PTGER3: variants seen among roughly 807,000 people sequenced by gnomAD.
PTGER3 encodes prostaglandin E2 receptor EP3 subtype.
In PTGER3, 22 loss-of-function variants were observed where a neutral mutation model predicts 34.7. The ratio of observed to expected loss-of-function variants is 0.63; its 90% CI spans 0.45 to 0.91. PTGER3 has a LOEUF of 0.91. Ranked by LOEUF, PTGER3 falls within the 40% of genes least tolerant of loss-of-function variation. The pLI, the probability that PTGER3 is intolerant of heterozygous loss-of-function variation, is 0.00. For missense variants in PTGER3, 468 were observed against 519.4 expected (o/e 0.90, Z 0.96); for synonymous variants, 241 against 230.1 (o/e 1.05, Z -0.43).
At chr1:71,025,365 A>G (rs1205280167) in intron 1 of PTGER3, among the ~76,000 whole-genome samples, 1 of 152,036 alleles carries the variant, frequency 6.6e-6, no homozygotes, top group African/African-American at 2.4e-5. Context: ...AGAACCAAGT[A>G]TTTAAAATAA....
intron 4 of PTGER3, among the ~76,000 whole-genome samples, chr1:70,890,546 G>A (rs1391565626): frequency 6.6e-6 from 1 of 152,118 alleles, no homozygotes; most frequent in Non-Finnish European, 1.5e-5. Flanking sequence ...TCTTGTGTAT[G>A]TTATCTTGGT....
At chr1:70,862,979 G>A (rs1024025051) in intron 4 of PTGER3, among the ~76,000 whole-genome samples, 1 of 152,140 alleles carries the variant, frequency 6.6e-6, no homozygotes, top group Non-Finnish European at 1.5e-5. Flanking sequence ...AGGCAGGAAA[G>A]TTGGAGAGAG....
intron 4 of PTGER3, among the ~76,000 whole-genome samples, chr1:70,946,136 G>A (rs942205545): frequency 1.3e-5 from 2 of 152,004 alleles, no homozygotes; most frequent in Non-Finnish European, 2.9e-5. Flanking sequence ...AGTCCCTGAG[G>A]TCCCTCACTT....
chr1:70,883,210 T>C (rs1163163966), intron 4 of PTGER3, among the ~76,000 whole-genome samples: 1 of 152,154 alleles, frequency 6.6e-6, no homozygotes. Flanking sequence ...TGAGGGCAGT[T>C]TTTATGCCTA....
At chr1:70,921,408 G>T (rs539791169) in intron 4 of PTGER3, among the ~76,000 whole-genome samples, 2 of 152,120 alleles carry the variant, frequency 1.3e-5, no homozygotes, top group African/African-American at 2.4e-5. Context: ...CAAACCTGTC[G>T]AATGAATGGT....
intron 1 of PTGER3, among the ~76,000 whole-genome samples, chr1:71,038,244 A>C (rs961900098): frequency 6.6e-6 from 1 of 152,230 alleles, no homozygotes; most frequent in Non-Finnish European, 1.5e-5. Flanking sequence ...TATACAAATC[A>C]AATTTACTCT....
chr1:70,908,676 G>A (rs573931565), intron 4 of PTGER3, among the ~76,000 whole-genome samples: 3 of 151,990 alleles, frequency 2.0e-5, no homozygotes, highest in Non-Finnish European at 4.4e-5. Context: ...TTAAGCCAGG[G>A]GTCTATAAGA....
intron 1 of PTGER3, among the ~76,000 whole-genome samples, chr1:71,027,894 A>G (rs1470585493): frequency 2.0e-5 from 3 of 152,226 alleles, no homozygotes; most frequent in Non-Finnish European, 4.4e-5. Context: ...CATTTAAAGT[A>G]TCTCAATTTG....
chr1:70,911,625 TGAC>T (rs1286393103), intron 4 of PTGER3, among the ~76,000 whole-genome samples: 1 of 152,114 alleles, frequency 6.6e-6, no homozygotes, highest in Non-Finnish European at 1.5e-5. Context: ...TGGCAGAAAG[TGAC>T]GACATTTTTT....
At chr1:70,961,417 C>T (rs532946239) in intron 2 of PTGER3, among the ~76,000 whole-genome samples, 10 of 152,274 alleles carry the variant, frequency 6.6e-5, no homozygotes, top group African/African-American at 2.4e-4. Flanking sequence ...ATTTCCTGAT[C>T]CCATTGGCTG....
intron 4 of PTGER3, among the ~76,000 whole-genome samples, chr1:70,926,133 C>T (rs1648059950): frequency 6.6e-6 from 1 of 152,010 alleles, no homozygotes; most frequent in Non-Finnish European, 1.5e-5. Flanking sequence ...AGCTTCTGAC[C>T]CAACATAGTG....
chr1:70,873,060 T>A (rs891760619), intron 4 of PTGER3, among the ~76,000 whole-genome samples: 1 of 152,144 alleles, frequency 6.6e-6, no homozygotes, highest in African/African-American at 2.4e-5. Flanking sequence ...ATCCTCAGGA[T>A]AATAGTAGCA....
At chr1:70,857,604 C>G (rs970921404) in intron 4 of PTGER3, among the ~76,000 whole-genome samples, 9 of 152,100 alleles carry the variant, frequency 5.9e-5, no homozygotes, top group African/African-American at 1.9e-4. Flanking sequence ...GGCATGATCT[C>G]GGCTCCCTGC....
At chr1:71,008,163 A>G in intron 2 of PTGER3, 19 of 959,414 alleles carry the variant, frequency 2.0e-5, no homozygotes, top group Non-Finnish European at 2.2e-5. Flanking sequence ...CAAGGGGACT[A>G]GGAGAAAACA....
intron 2 of PTGER3, among the ~76,000 whole-genome samples, chr1:70,985,997 G>A (rs1179280730): frequency 6.6e-6 from 1 of 152,060 alleles, no homozygotes; most frequent in Non-Finnish European, 1.5e-5. Flanking sequence ...CAGGACACAG[G>A]TCATAAAGAT....
intron 4 of PTGER3, among the ~76,000 whole-genome samples, chr1:70,941,485 G>A (rs1210588440): frequency 1.3e-5 from 2 of 152,038 alleles, no homozygotes; most frequent in African/African-American, 4.8e-5. Context: ...ACCATGAAAT[G>A]TATTTTTTCA....
chr1:70,858,323 C>T (rs4650092), intron 4 of PTGER3, among the ~76,000 whole-genome samples: 141,130 of 152,174 alleles, frequency 0.93, 65,507 homozygotes, highest in East Asian at 1. Context: ...TTTTAAACTT[C>T]AGTTCCTAAA....
intron 2 of PTGER3, chr1:71,010,711 T>A: frequency 1.0e-6 from 1 of 984,862 alleles, no homozygotes; most frequent in Non-Finnish European, 1.2e-6. Context: ...TTTATCACCT[T>A]TTCCAAAATT....
At chr1:70,866,347 G>C (rs570882831) in intron 4 of PTGER3, among the ~76,000 whole-genome samples, 17 of 152,272 alleles carry the variant, frequency 1.1e-4, no homozygotes, top group Middle Eastern at 3.4e-3. Context: ...TGGTCTCAAT[G>C]AAAGCCTTCC....
Sources: gnomAD v4.1 joint callset for allele counts (sites outside exome capture counted in the v4.1 genomes callset) on GRCh38, gnomAD v4.1.1 for gene constraint, MANE v1.5 for transcripts, NCBI Gene and HGNC (gene_info 2026-07-23, HGNC 2026-07-21) for gene names.